The following HEMK2 variants were observed in gnomAD, a reference collection of about 807,000 sequenced individuals.
HEMK2 encodes HemK methyltransferase 2, ETF1 glutamine and histone H4 lysine.
the HEMK2 span, among the ~76,000 whole-genome samples, chr21:28,633,225 T>C: frequency 1.6e-4 from 24 of 152,198 alleles, no homozygotes; most frequent in Admixed American, 3.9e-4. Context: ...AGGTTAGGAA[T>C]GCAGTCCTCA....
the HEMK2 span, among the ~76,000 whole-genome samples, chr21:28,817,933 T>C: frequency 6.6e-6 from 1 of 152,178 alleles, no homozygotes; most frequent in Admixed American, 6.5e-5. Flanking sequence ...GCCATGTAGA[T>C]AAATAAGTCA....
chr21:28,611,070 C>T, the HEMK2 span, among the ~76,000 whole-genome samples: 1 of 152,174 alleles, frequency 6.6e-6, no homozygotes, highest in Non-Finnish European at 1.5e-5. Flanking sequence ...ATTTACAGAA[C>T]ATTCTACCCA....
the HEMK2 span, among the ~76,000 whole-genome samples, chr21:28,704,196 G>A: frequency 6.6e-6 from 1 of 152,164 alleles, no homozygotes; most frequent in Non-Finnish European, 1.5e-5. Flanking sequence ...GGAAGCCAGA[G>A]GTAGTTCAAA....
the HEMK2 span, among the ~76,000 whole-genome samples, chr21:28,617,316 C>A: frequency 7.9e-5 from 12 of 152,138 alleles, no homozygotes; most frequent in African/African-American, 2.9e-4. Flanking sequence ...GAGAACAGTG[C>A]AAAATGAGAC....
the HEMK2 span, among the ~76,000 whole-genome samples, chr21:28,810,231 C>A: frequency 6.6e-6 from 1 of 152,102 alleles, no homozygotes; most frequent in Non-Finnish European, 1.5e-5. Flanking sequence ...AAGAAGCAGT[C>A]ATTTCCATTT....
the HEMK2 span, among the ~76,000 whole-genome samples, chr21:28,594,110 G>T: frequency 6.6e-6 from 1 of 152,148 alleles, no homozygotes; most frequent in Non-Finnish European, 1.5e-5. Context: ...CTGTTTAATT[G>T]TGAGAAAAAC....
chr21:28,596,757 C>A, the HEMK2 span, among the ~76,000 whole-genome samples: 3 of 151,800 alleles, frequency 2.0e-5, no homozygotes, highest in Non-Finnish European at 2.9e-5. Context: ...ATGGAAGATA[C>A]GCTAATTTTA....
chr21:28,577,521 G>T, the HEMK2 span: 2 of 152,062 alleles, frequency 1.3e-5, no homozygotes, highest in Admixed American at 6.6e-5. Context: ...TTGATATTCT[G>T]GGAAATGAAA....
the HEMK2 span, among the ~76,000 whole-genome samples, chr21:28,686,773 C>A: frequency 6.6e-6 from 1 of 152,204 alleles, no homozygotes; most frequent in Non-Finnish European, 1.5e-5. Flanking sequence ...TCTCCTAAGT[C>A]AACATCTGGA....
chr21:28,583,299 G>A, the HEMK2 span, among the ~76,000 whole-genome samples: 1 of 152,088 alleles, frequency 6.6e-6, no homozygotes, highest in Non-Finnish European at 1.5e-5. Context: ...TAAAATAACG[G>A]AGTTTCTTCC....
chr21:28,841,716 G>A, the HEMK2 span, among the ~76,000 whole-genome samples: 2 of 151,502 alleles, frequency 1.3e-5, no homozygotes, highest in Admixed American at 6.6e-5. Context: ...ATGGTGCAGT[G>A]TATACTGCTC....
chr21:28,847,399 G>A, the HEMK2 span, among the ~76,000 whole-genome samples: 25 of 152,098 alleles, frequency 1.6e-4, no homozygotes, highest in Non-Finnish European at 1.6e-4. Context: ...TTTCATATGC[G>A]TTTTGGCCAT....
the HEMK2 span, among the ~76,000 whole-genome samples, chr21:28,620,660 CT>C: frequency 2.2e-4 from 11 of 49,652 alleles, no homozygotes; most frequent in African/African-American, 8.6e-4. Flanking sequence ...TCTCTCTTTT[CT>C]TTTTTTTTTT....
At chr21:28,726,928 G>A in the HEMK2 span, among the ~76,000 whole-genome samples, 5 of 151,196 alleles carry the variant, frequency 3.3e-5, no homozygotes, top group South Asian at 2.1e-4. Flanking sequence ...ACTTTATTCT[G>A]AGCAAAGAAT....
At chr21:28,843,845 G>C in the HEMK2 span, among the ~76,000 whole-genome samples, 747 of 152,250 alleles carry the variant, frequency 4.9e-3, 5 homozygotes, top group African/African-American at 0.017. Flanking sequence ...GCTTCACATA[G>C]TAGTAAAATG....
chr21:28,840,459 G>A, the HEMK2 span, among the ~76,000 whole-genome samples: 21 of 152,052 alleles, frequency 1.4e-4, no homozygotes, highest in East Asian at 2.7e-3. Flanking sequence ...CTTCACAATC[G>A]ATACATCTGA....
the HEMK2 span, among the ~76,000 whole-genome samples, chr21:28,782,308 T>A: frequency 2.0e-5 from 3 of 152,238 alleles, no homozygotes; most frequent in African/African-American, 7.2e-5. Context: ...GAAAATATAT[T>A]GTGCCCAAAA....
the HEMK2 span, among the ~76,000 whole-genome samples, chr21:28,664,297 T>C: frequency 6.6e-6 from 1 of 152,224 alleles, no homozygotes; most frequent in African/African-American, 2.4e-5. Flanking sequence ...ATTTCTCTTT[T>C]GGTACAATTG....
At chr21:28,769,574 A>G in the HEMK2 span, among the ~76,000 whole-genome samples, 2 of 152,148 alleles carry the variant, frequency 1.3e-5, no homozygotes, top group African/African-American at 2.4e-5. Context: ...AGGGTGATAT[A>G]AAATAATCAT....
Sources: allele counts gnomAD v4.1 joint callset (sites outside exome capture counted in the v4.1 genomes callset), GRCh38; gene constraint gnomAD v4.1.1; transcripts MANE v1.5; gene names NCBI Gene and HGNC (gene_info 2026-07-23, HGNC 2026-07-21).